SLC5A3: variants seen among roughly 807,000 people sequenced by gnomAD.
The protein encoded by SLC5A3 is sodium/myo-inositol cotransporter.
A neutral mutation model predicts 43.2 loss-of-function variants in SLC5A3; 10 were observed. That is an observed-to-expected ratio of 0.23 (90% CI 0.14 to 0.39). The LOEUF is 0.39. SLC5A3 is among the 10% of genes least tolerant of loss of function. The pLI is 1.00. For missense variants in SLC5A3, 608 were observed against 893.4 expected (o/e 0.68, Z 4.07); for synonymous variants, 349 against 322.0 (o/e 1.08, Z -0.90).
intron 1 of SLC5A3, among the ~76,000 whole-genome samples, chr21:34,089,742 A>G (rs1373142060): frequency 1.3e-5 from 2 of 152,086 alleles, no homozygotes; most frequent in South Asian, 2.1e-4. Flanking sequence ...GTCCCTCCCT[A>G]CTCTGCCTCA....
rs556405167 is a variant in SLC5A3 at position 34,074,570 on chromosome 21, C to T, written c.-337+825C>T. The stretch of plus-strand genomic sequence containing the variant: ...AGGACAGGGGCCCGCGGCCCGGAGG[C>T]AGCTCACTTCGTCCTCTGTCCTGGG... On this transcript the variant is annotated intron_variant, in intron 1 of 1. Coordinates refer to ENST00000381151, the MANE Select transcript of SLC5A3 (RefSeq NM_006933.7). Among the ~76,000 whole-genome samples, 49 of 152,358 alleles carry T rather than the reference C, an allele frequency of 3.2e-4. No individual in the cohort carries two copies. The South Asian group carries it at 7.2e-3, about 23-fold the overall frequency.
At position 34,098,850 on chromosome 21, in the gene SLC5A3, A is replaced by C; in HGVS notation, c.*1495A>C. On this transcript the variant is annotated 3_prime_UTR_variant, in exon 2 of 2. Transcript: ENST00000381151. ...CAACACTGTCCTTTGTCCTCCATGA[A>C]AGATGAAGGAAGCAAATTATGTATG... is the stretch of plus-strand genomic sequence containing the variant. 1 of 999,544 alleles carries C rather than the reference A, an allele frequency of 1.0e-6. No homozygotes were observed. 61.9% of individuals were successfully genotyped at this position (999,544 alleles called of 1,614,324 possible).
In SLC5A3 at chr21:34,073,763, A is replaced by T; in HGVS notation, c.-337+18A>T. On this transcript the variant is annotated intron_variant, in intron 1 of 1. Coordinates refer to ENST00000381151, the MANE Select transcript of SLC5A3 (RefSeq NM_006933.7). ...TGCAGCGGGTAAGTGACCTTCCCTC[A>T]GAGCCGGTCTTCCCGCGCGGGCGCC... The T allele has an allele frequency of 6.7e-7, 1 of 1,487,886 alleles. No homozygotes were observed. Among genetic ancestry groups the T allele is most frequent in the East Asian group, 2.9e-5 (1 of 34,616 alleles). The allele number at this position is 1,487,886 out of a possible 1,614,324, so 92.2% of individuals were successfully genotyped here.
Position 34,100,231 on chromosome 21 carries a change from C to CT in SLC5A3, c.*2880dup, listed in dbSNP as rs749894375. 2 of 1,000,178 alleles carry CT rather than the reference C, an allele frequency of 2.0e-6. No homozygotes were observed. The highest frequency in any genetic ancestry group is 2.4e-6 in the Non-Finnish European group (2 of 829,946). The allele number at this position is 1,000,178 out of a possible 1,614,324, so 62.0% of individuals were successfully genotyped here. On this transcript the variant is annotated 3_prime_UTR_variant, in exon 2 of 2. Coordinates refer to ENST00000381151, the MANE Select transcript of SLC5A3 (RefSeq NM_006933.7). ...GTTAATGGTATCCCCAGTTCTTAGA[C>CT]TTTTGTCTTCTCAGGCAATTTTCAT...
Position 34,100,267 on chromosome 21 carries a change from G to A in SLC5A3, c.*2912G>A. Reference sequence around the variant, plus strand: ...TCAGGCAATTTTCATCTCAAGATCTGATGAGAAGGGCATATTACATTGGTA... The same window carrying A: ...TCAGGCAATTTTCATCTCAAGATCTAATGAGAAGGGCATATTACATTGGTA... On this transcript the variant is annotated 3_prime_UTR_variant, in exon 2 of 2. Transcript: ENST00000381151. The A allele has an allele frequency of 1.0e-6, 1 of 1,000,014 alleles. No individual in the cohort carries two copies. Among genetic ancestry groups the A allele is most frequent in the Non-Finnish European group, 1.2e-6 (1 of 829,832 alleles). The allele number at this position is 1,000,014 out of a possible 1,614,324, so 61.9% of individuals were successfully genotyped here. A position where few individuals can be genotyped will look rare whatever the true frequency, so the allele number is the denominator to read the frequency against.
rs1569418036 is a variant in SLC5A3, at chr21:34,099,693, G to A, written c.*2338G>A. The A allele has an allele frequency of 2.0e-6, 2 of 997,862 alleles. No individual in the cohort carries two copies. Among genetic ancestry groups the A allele is most frequent in the African/African-American group, 3.5e-5 (2 of 57,140 alleles). The allele number at this position is 997,862 out of a possible 1,614,324, so 61.8% of individuals were successfully genotyped here. ...CTTCTTTCTGCTCTTGTCTTAGTAA[G>A]ATACATAAGGTACATCATCTTGTGT... On this transcript the variant is annotated 3_prime_UTR_variant, in exon 2 of 2. Transcript: ENST00000381151.
At position 34,106,024 on chromosome 21, in the gene SLC5A3, T is replaced by G; in HGVS notation, c.*8669T>G. 1.0e-6 allele frequency: 1 copy of G among 995,762 alleles called. No homozygotes were observed. The highest frequency in any genetic ancestry group is 1.2e-6 in the Non-Finnish European group (1 of 825,798). 61.7% of individuals were successfully genotyped at this position (995,762 alleles called of 1,614,324 possible). On this transcript the variant is annotated 3_prime_UTR_variant, in exon 2 of 2. Coordinates refer to ENST00000381151, the MANE Select transcript of SLC5A3 (RefSeq NM_006933.7). ...TAAAAAATGAAAAAAGCATATCTGC[T>G]AAAGAGCTGTCAGTTTTCATTACTG...
In SLC5A3 at chr21:34,095,197, G is replaced by C. The variant is rs949179876; in HGVS notation, c.-2G>C. Reference sequence around the variant, plus strand: ...GAGCGCTATTATTCACAAGTTACCAGAATGAGAGCTGTACTGGACACAGCA... The same window carrying C: ...GAGCGCTATTATTCACAAGTTACCACAATGAGAGCTGTACTGGACACAGCA... On this transcript the variant is annotated 5_prime_UTR_variant, in exon 2 of 2. Coordinates refer to ENST00000381151, the MANE Select transcript of SLC5A3 (RefSeq NM_006933.7). 1.5e-5 allele frequency: 23 copies of C among 1,585,224 alleles called. No individual in the cohort carries two copies. The highest frequency in any genetic ancestry group is 1.8e-5 in the Non-Finnish European group (21 of 1,166,606).
intron 1 of SLC5A3, among the ~76,000 whole-genome samples, chr21:34,091,220 T>C (rs551699360): frequency 6.6e-6 from 1 of 151,032 alleles, no homozygotes; most frequent in Non-Finnish European, 1.5e-5. Flanking sequence ...AAGAGGTGGT[T>C]GTTTGGTCAC....
At chr21:34,088,582 A>G (rs1055901221) in intron 1 of SLC5A3, among the ~76,000 whole-genome samples, 7 of 152,238 alleles carry the variant, frequency 4.6e-5, no homozygotes, top group Non-Finnish European at 8.8e-5. Flanking sequence ...TCTTTTATCA[A>G]TATCGTTAAT....
Position 34,095,813 on chromosome 21 carries a change from G to A in SLC5A3, c.615G>A (p.Met205Ile), listed in dbSNP as rs762151661. The change falls in exon 2 of 2, where the codon ATG (methionine) becomes ATA (isoleucine). Residue 205 changes from methionine (M) to isoleucine (I), a missense_variant. This residue lies in a region of SLC5A3 where 398 missense variants were observed against 668.6 expected (regional missense o/e 0.60). Transcript: ENST00000381151. ...TTACACTTATGATTATTAGCATAATGGAGATTGGCGGGTTTGAGGAAGTTA... is the reference window on the plus strand; with the variant it reads ...TTACACTTATGATTATTAGCATAATAGAGATTGGCGGGTTTGAGGAAGTTA... ...GALTLMIISI[M>I]EIGGFEEVKR... The A allele has an allele frequency of 1.9e-6, 3 of 1,613,878 alleles. No homozygotes were observed. The highest frequency in any genetic ancestry group is 1.3e-5 in the African/African-American group (1 of 74,862).
Position 34,102,086 on chromosome 21 carries a change from T to G in SLC5A3, c.*4731T>G. The stretch of plus-strand genomic sequence containing the variant: ...CTTTCGATTGCTAGACTTGGTTAAC[T>G]TAGGGCTGCAAATCTTTTTCTTCTG... On this transcript the variant is annotated 3_prime_UTR_variant, in exon 2 of 2. Coordinates refer to ENST00000381151, the MANE Select transcript of SLC5A3 (RefSeq NM_006933.7). 1 of 1,000,046 alleles carries G rather than the reference T, an allele frequency of 1.0e-6. No individual in the cohort carries two copies. Among genetic ancestry groups the G allele is most frequent in the Non-Finnish European group, 1.2e-6 (1 of 829,802 alleles). 61.9% of individuals were successfully genotyped at this position (1,000,046 alleles called of 1,614,324 possible). A position where few individuals can be genotyped will look rare whatever the true frequency, so the allele number is the denominator to read the frequency against.
At position 34,096,391 on chromosome 21, in the gene SLC5A3, T is replaced by C. The variant is rs200641030; in HGVS notation, c.1193T>C (p.Ile398Thr). Residue 398 changes from isoleucine (I) to threonine (T), a missense_variant, in exon 2 of 2, where the codon ATC becomes ACC. By Grantham distance (89) the Ile-to-Thr change is moderately conservative (BLOSUM62 -1). Coordinates refer to ENST00000381151, the MANE Select transcript of SLC5A3 (RefSeq NM_006933.7). This position sits in a 1 kb window ranked among gnomAD's most constrained non-coding sequence, Gnocchi z 5.9. ...TTCACCCTCGATGTGTACAAACTTA[T>C]CCGCAAGAGCGCAAGCTCCCGGGAG... ...TIFTLDVYKL[I>T]RKSASSRELM... 6.8e-6 allele frequency: 11 copies of C among 1,614,082 alleles called. No individual in the cohort carries two copies. Among genetic ancestry groups the C allele is most frequent in the East Asian group, 4.5e-5 (2 of 44,886 alleles).
At chr21:34,086,498 G>A (rs986415745) in intron 1 of SLC5A3, among the ~76,000 whole-genome samples, 3 of 143,432 alleles carry the variant, frequency 2.1e-5, no homozygotes, top group Non-Finnish European at 4.5e-5. Flanking sequence ...TCTGACTTGT[G>A]TTTATTTCTA....
chr21:34,098,881 T>C lies in SLC5A3; in HGVS notation c.*1526T>C, dbSNP rs1048300058. On this transcript the variant is annotated 3_prime_UTR_variant, in exon 2 of 2. Transcript: ENST00000381151. ...AAGGAAGCAAATTATGTATGTACTTTCTTTGACCTTCTTTAATCTCTGATA... is the reference window on the plus strand; with the variant it reads ...AAGGAAGCAAATTATGTATGTACTTCCTTTGACCTTCTTTAATCTCTGATA... The C allele has an allele frequency of 1.8e-5, 18 of 999,282 alleles. No homozygotes were observed. The highest frequency in any genetic ancestry group is 5.2e-4 in the Middle Eastern group (1 of 1,936). 61.9% of individuals were successfully genotyped at this position (999,282 alleles called of 1,614,324 possible).
intron 1 of SLC5A3, among the ~76,000 whole-genome samples, chr21:34,076,203 T>C (rs1989327026): frequency 6.6e-6 from 1 of 151,924 alleles, no homozygotes; most frequent in South Asian, 2.1e-4. Context: ...TGCTCTCCTG[T>C]TTTTTCTCCG....
rs141524264 is a variant in SLC5A3 at position 34,075,264 on chromosome 21, C to T, written c.-337+1519C>T. On this transcript the variant is annotated intron_variant, in intron 1 of 1. Coordinates refer to ENST00000381151, the MANE Select transcript of SLC5A3 (RefSeq NM_006933.7). The stretch of plus-strand genomic sequence containing the variant: ...AGGTAGCAGGTGACACTGAAAGAGG[C>T]AACCTGTAGGCAATAATATTTGCTC... 4.2e-3 allele frequency among the ~76,000 whole-genome samples: 639 copies of T among 152,314 alleles called. 29 individuals carry two copies. The highest frequency in any genetic ancestry group is 0.039 in the Admixed American group (600 of 15,304).
In SLC5A3 at chr21:34,102,828, C is replaced by T; in HGVS notation, c.*5473C>T. 1 of 1,000,130 alleles carries T rather than the reference C, an allele frequency of 1.0e-6. No individual in the cohort carries two copies. Among genetic ancestry groups the T allele is most frequent in the Non-Finnish European group, 1.2e-6 (1 of 829,938 alleles). 62.0% of individuals were successfully genotyped at this position (1,000,130 alleles called of 1,614,324 possible). A position where few individuals can be genotyped will look rare whatever the true frequency, so the allele number is the denominator to read the frequency against. On this transcript the variant is annotated 3_prime_UTR_variant, in exon 2 of 2. Transcript: ENST00000381151. Reference sequence around the variant, plus strand: ...CATGATACTGAAGCTTTTCCCCTCACTTCTAGGTTGTTTACATTCAGAGCT... The same window carrying T: ...CATGATACTGAAGCTTTTCCCCTCATTTCTAGGTTGTTTACATTCAGAGCT...
In SLC5A3 at chr21:34,081,054, G is replaced by T. The variant is rs529836932; in HGVS notation, c.-337+7309G>T. Among the ~76,000 whole-genome samples the T allele has an allele frequency of 7.2e-5, 11 of 152,262 alleles. No homozygotes were observed. The East Asian group carries it at 2.1e-3, about 29-fold the overall frequency. On this transcript the variant is annotated intron_variant, in intron 1 of 1. Transcript: ENST00000381151. ...AAAACCAAGTTGGATTCTTTGGGAA[G>T]ACTTGATAAAAGGTGAGTCATTAAA...
Sources: allele counts gnomAD v4.1 joint callset (sites outside exome capture counted in the v4.1 genomes callset), GRCh38; gene constraint gnomAD v4.1.1; regional missense constraint gnomAD v4.1.1; non-coding constraint Gnocchi (gnomAD v3.1); transcripts MANE v1.5; gene names NCBI Gene and HGNC (gene_info 2026-07-23, HGNC 2026-07-21).